The following ACTG2 variants were observed in gnomAD, a reference collection of about 807,000 sequenced individuals.
ACTG2 encodes the protein actin, gamma-enteric smooth muscle.
In ACTG2, 16 loss-of-function variants were observed where a neutral mutation model predicts 37.6. The ratio of observed to expected loss-of-function variants is 0.43; its 90% CI spans 0.29 to 0.65. The LOEUF is 0.65. ACTG2 is among the 30% of genes least tolerant of loss of function. The pLI is 0.18. For synonymous variants in ACTG2, 181 were observed against 179.9 expected, an observed-to-expected ratio of 1.01 and a Z score of -0.05; for missense variants, 238 against 490.9, an observed-to-expected ratio of 0.48 and a Z score of 4.87.
At chr2:73,902,626 C>A in intron 3 of ACTG2, 138 bp downstream of exon 3, 2 of 1,552,614 alleles carry the variant, frequency 1.3e-6, no homozygotes, top group Non-Finnish European at 1.7e-6. Flanking sequence ...CTTTTCAGCC[C>A]CACGACCATT....
chr2:73,903,854 C>T (rs1025804394), intron 3 of ACTG2, among the ~76,000 whole-genome samples: 3 of 144,176 alleles, frequency 2.1e-5, no homozygotes, highest in African/African-American at 7.6e-5. Flanking sequence ...GCAGGAGAAT[C>T]GCTTGAACCC....
chr2:73,911,554 T>A (rs747762880), intron 5 of ACTG2, among the ~76,000 whole-genome samples: 109 of 152,192 alleles, frequency 7.2e-4, no homozygotes, highest in Admixed American at 4.6e-3. Context: ...AGTTGTTTAT[T>A]ATCATTTTCA....
chr2:73,918,181 C>A (rs1271773406), intron 8 of ACTG2, among the ~76,000 whole-genome samples: 3 of 152,142 alleles, frequency 2.0e-5, no homozygotes, highest in Non-Finnish European at 4.4e-5. Flanking sequence ...CTTATATGAG[C>A]ACCTATCCAA....
chr2:73,908,601 C>A, intron 3 of ACTG2, 72 bp from the exon 4 acceptor site: 1 of 1,267,458 alleles, frequency 7.9e-7, no homozygotes, highest in Non-Finnish European at 1.1e-6. Flanking sequence ...ACTCTCCCAG[C>A]ATGGGAATGT....
intron 1 of ACTG2, among the ~76,000 whole-genome samples, chr2:73,894,006 G>A (rs1356269635): frequency 3.3e-5 from 5 of 152,120 alleles, no homozygotes; most frequent in Non-Finnish European, 5.9e-5. Context: ...GTAAAATGGG[G>A]GCAAGAATAA....
chr2:73,898,865 C>T (rs1224131667), intron 1 of ACTG2, among the ~76,000 whole-genome samples: 4 of 142,908 alleles, frequency 2.8e-5, no homozygotes, highest in East Asian at 4.1e-4. Flanking sequence ...TGCAGTGGCT[C>T]GATCTTGGCT....
intron 1 of ACTG2, among the ~76,000 whole-genome samples, chr2:73,897,589 G>C (rs1266678025): frequency 2.0e-5 from 3 of 152,194 alleles, no homozygotes; most frequent in Admixed American, 6.5e-5. Flanking sequence ...GGTCTGGGAG[G>C]GGGGCCACTC....
intron 2 of ACTG2, 55 bp from the exon 3 acceptor site, chr2:73,902,305 C>T: frequency 6.3e-7 from 1 of 1,591,826 alleles, no homozygotes; most frequent in Non-Finnish European, 8.6e-7. Context: ...TGCCTGAATC[C>T]CTCTGTGTGG....
chr2:73,908,786 A>G lies in ACTG2; in HGVS notation c.366+3A>G, dbSNP rs771377705. ...CCAACAGGGAAAAGATGACCCAGGT[A>G]AGAAGCCAGGAAGACTTGAACACTG... On this transcript the variant is annotated splice_donor_region_variant and intron_variant, in intron 4 of 8. Coordinates refer to ENST00000345517, the MANE Select transcript of ACTG2 (RefSeq NM_001615.4). 2 of 1,604,214 alleles carry G rather than the reference A, an allele frequency of 1.2e-6. No individual in the cohort carries two copies. Among genetic ancestry groups the G allele is most frequent in the Admixed American group, 3.3e-5 (2 of 59,952 alleles).
chr2:73,907,058 G>A (rs938711703), intron 3 of ACTG2, among the ~76,000 whole-genome samples: 9 of 152,144 alleles, frequency 5.9e-5, no homozygotes, highest in Admixed American at 4.6e-4. Flanking sequence ...CCTCTGCCTC[G>A]GATGCCTTTT....
At chr2:73,911,999 A>C (rs1680150021) in intron 5 of ACTG2, among the ~76,000 whole-genome samples, 1 of 152,246 alleles carries the variant, frequency 6.6e-6, no homozygotes, top group Non-Finnish European at 1.5e-5. Flanking sequence ...GGCCATGGGC[A>C]CACACTGACA....
intron 2 of ACTG2, among the ~76,000 whole-genome samples, 191 bp from the exon 3 acceptor site, chr2:73,902,169 C>T (rs1679905685): frequency 6.6e-6 from 1 of 151,994 alleles, no homozygotes; most frequent in Admixed American, 6.6e-5. Flanking sequence ...ACAAGAAATC[C>T]TCCACCTTCT....
Position 73,914,705 on chromosome 2 carries a change from C to T in ACTG2, c.639C>T (p.Ile213=), listed in dbSNP as rs1363149724. The change falls in exon 7 of 9, where the codon ATC becomes ATT. Residue 213 remains isoleucine, a synonymous_variant. Transcript: ENST00000345517. ...CTGAGAGAGAAATTGTGCGAGACAT[C>T]AAGGAGAAGCTGTGCTATGTGGCCC... ...TTAEREIVRD[I]KEKLCYVALD... is the part of the protein sequence containing the mutation. The T allele has an allele frequency of 6.3e-7, 1 of 1,598,936 alleles. No individual in the cohort carries two copies. The highest frequency in any genetic ancestry group is 1.3e-5 in the African/African-American group (1 of 74,228).
rs770909846 is a variant in ACTG2, at chr2:73,913,685, A to C, written c.613+39A>C. On this transcript the variant is annotated intron_variant, in intron 6 of 8. Transcript: ENST00000345517. Reference sequence around the variant, plus strand: ...TTTCTGATTCTGACTGGAGCTCAGAACCAATCTGGTTTAGGACAAGAAGTT... The same window carrying C: ...TTTCTGATTCTGACTGGAGCTCAGACCCAATCTGGTTTAGGACAAGAAGTT... 1.9e-6 allele frequency: 3 copies of C among 1,562,982 alleles called. No individual in the cohort carries two copies. The African/African-American group carries it at 4.1e-5, about 21-fold the overall frequency.
rs187656175 is a variant in ACTG2, at chr2:73,916,851, C to A, written c.987+86C>A. The A allele has an allele frequency of 6.5e-5, 96 of 1,481,030 alleles. No individual in the cohort carries two copies. In the African/African-American group the frequency reaches 1.3e-3, roughly 20 times the overall value. 91.7% of individuals were successfully genotyped at this position (1,481,030 alleles called of 1,614,324 possible). ...GTTCCTCGGAGGCAGACTGCCAGAC[C>A]TGATAACTTGCTGGTCTCCTGGGTT... On this transcript the variant is annotated intron_variant, in intron 8 of 8. Transcript: ENST00000345517.
chr2:73,910,704 C>T (rs1262762661), intron 5 of ACTG2, among the ~76,000 whole-genome samples: 2 of 151,434 alleles, frequency 1.3e-5, no homozygotes, highest in East Asian at 1.9e-4. Flanking sequence ...AAGGAGTACA[C>T]CCTTTAAATG....
chr2:73,904,248 CAAAAAAAAAAAAAAAA>C lies in ACTG2; in HGVS notation c.255+1769_255+1784del, dbSNP rs61261289. Among the ~76,000 whole-genome samples, 60 of 65,222 alleles carry C rather than the reference CAAAAAAAAAAAAAAAA, an allele frequency of 9.2e-4. 1 individual carries two copies. In the East Asian group the frequency reaches 0.024, roughly 26 times the overall value. The allele number at this position is 65,222 out of a possible 152,430, so 42.8% of individuals were successfully genotyped here. A position where few individuals can be genotyped will look rare whatever the true frequency, so the allele number is the denominator to read the frequency against. ...TGGGTGATAGAGTGAGACCATGTCT[CAAAAAAAAAAAAAAAA>C]AAAAAAAAGAAAGGAAGGAAGGAAG... On this transcript the variant is annotated intron_variant, in intron 3 of 8. Coordinates refer to ENST00000345517, the MANE Select transcript of ACTG2 (RefSeq NM_001615.4).
intron 3 of ACTG2, 113 bp from the exon 4 acceptor site, chr2:73,908,559 GA>G (rs1680062073): frequency 1.1e-6 from 1 of 900,922 alleles, no homozygotes; most frequent in South Asian, 1.7e-5. Flanking sequence ...CTCCTCTCCA[GA>G]TCCATCCCAT....
chr2:73,913,210 C>A, intron 5 of ACTG2, among the ~76,000 whole-genome samples: 1 of 147,460 alleles, frequency 6.8e-6, no homozygotes. Flanking sequence ...AGACTTAATG[C>A]AAATTGACAA....
Sources: allele counts gnomAD v4.1 joint callset (sites outside exome capture counted in the v4.1 genomes callset), GRCh38; gene constraint gnomAD v4.1.1; transcripts MANE v1.5; gene names NCBI Gene and HGNC (gene_info 2026-07-23, HGNC 2026-07-21).